The following FLRT2 variants were observed in gnomAD, a reference collection of about 807,000 sequenced individuals.
FLRT2 encodes the protein leucine-rich repeat transmembrane protein FLRT2.
FLRT2 carries 15 observed loss-of-function variants against 40.0 expected under a neutral mutation model. That is an observed-to-expected ratio of 0.38 (90% CI 0.25 to 0.58). The LOEUF is 0.58. Among genes scored for constraint, FLRT2 ranks in the 20% least tolerant of loss-of-function variants. The pLI, the probability that FLRT2 is intolerant of heterozygous loss-of-function variation, is 0.71. For missense variants in FLRT2, 726 were observed against 840.0 expected (o/e 0.86, Z 1.68); for synonymous variants, 380 against 336.8 (o/e 1.13, Z -1.41).
intron 1 of FLRT2, among the ~76,000 whole-genome samples, chr14:85,619,567 C>G (rs2139366333): frequency 6.6e-6 from 1 of 152,252 alleles, no homozygotes; most frequent in African/African-American, 2.4e-5. Context: ...ACATTTACAA[C>G]ATCCTTGACA....
At chr14:85,541,923 A>G (rs532651701) in intron 1 of FLRT2, among the ~76,000 whole-genome samples, 2 of 152,332 alleles carry the variant, frequency 1.3e-5, no homozygotes, top group Admixed American at 1.3e-4. Flanking sequence ...AGCCATGGTT[A>G]TGTCCTTGCC....
chr14:85,531,774 C>T (rs1344932168), intron 1 of FLRT2, among the ~76,000 whole-genome samples: 3 of 152,156 alleles, frequency 2.0e-5, no homozygotes, highest in African/African-American at 4.8e-5. Context: ...AGAAGATGGG[C>T]TATGTAAATG....
At chr14:85,585,498 A>G (rs933100287) in intron 1 of FLRT2, among the ~76,000 whole-genome samples, 13 of 152,202 alleles carry the variant, frequency 8.5e-5, no homozygotes, top group African/African-American at 3.1e-4. Context: ...AATGTAAGGT[A>G]AGTATATTGT....
At position 85,602,378 on chromosome 14, in the gene FLRT2, C is replaced by T. The variant is rs141049810; in HGVS notation, c.-376-18761C>T. 1.4e-3 allele frequency among the ~76,000 whole-genome samples: 218 copies of T among 152,328 alleles called. 1 individual carries two copies. The highest frequency in any genetic ancestry group is 5.1e-3 in the African/African-American group (214 of 41,592). On this transcript the variant is annotated intron_variant, in intron 1 of 1. Transcript: ENST00000330753. ...CTGCAGAATTATTCCTGGTACACTACTGGCTTTGCTCCCTGCCCAGCTTCT... is the reference window on the plus strand; with the variant it reads ...CTGCAGAATTATTCCTGGTACACTATTGGCTTTGCTCCCTGCCCAGCTTCT...
intron 1 of FLRT2, among the ~76,000 whole-genome samples, chr14:85,545,346 A>G (rs1594996810): frequency 6.6e-6 from 1 of 152,244 alleles, no homozygotes. Flanking sequence ...GCCCCATTTT[A>G]CACAAAGGGA....
chr14:85,597,347 G>A (rs1365126755), intron 1 of FLRT2, among the ~76,000 whole-genome samples: 1 of 152,134 alleles, frequency 6.6e-6, no homozygotes, highest in Admixed American at 6.6e-5. Flanking sequence ...AAAAGGAGAT[G>A]GGCGATTTAG....
chr14:85,539,901 G>GC (rs1257856337), intron 1 of FLRT2, among the ~76,000 whole-genome samples: 2 of 152,172 alleles, frequency 1.3e-5, no homozygotes, highest in Non-Finnish European at 2.9e-5. Context: ...CTGGCTGCTA[G>GC]CCCCTGCATC....
At position 85,626,639 on chromosome 14, in the gene FLRT2, G is replaced by A. The variant is rs1893693735; in HGVS notation, c.*3142G>A. ...GGGCCACCCTCAAACACCGTCAGAT[G>A]CATTAGCAGCCCACTGCATGGGACA... is the stretch of plus-strand genomic sequence containing the variant. On this transcript the variant is annotated 3_prime_UTR_variant, in exon 2 of 2. Coordinates refer to ENST00000330753, the MANE Select transcript of FLRT2 (RefSeq NM_013231.6). 6.0e-6 allele frequency: 1 copy of A among 167,102 alleles called. No individual in the cohort carries two copies. Among genetic ancestry groups the A allele is most frequent in the Non-Finnish European group, 1.5e-5 (1 of 68,116 alleles). 10.4% of individuals were successfully genotyped at this position (167,102 alleles called of 1,614,324 possible).
intron 1 of FLRT2, among the ~76,000 whole-genome samples, chr14:85,573,778 T>C (rs1891002631): frequency 6.6e-6 from 1 of 152,242 alleles, no homozygotes; most frequent in Admixed American, 6.5e-5. Flanking sequence ...TCCAGGACAG[T>C]ATTTTTGCAG....
rs371789023 is a variant in FLRT2, at chr14:85,630,837, C to G, written c.*7340C>G. On this transcript the variant is annotated 3_prime_UTR_variant, in exon 2 of 2. Coordinates refer to ENST00000330753, the MANE Select transcript of FLRT2 (RefSeq NM_013231.6). The stretch of plus-strand genomic sequence containing the variant: ...TCTCCTCTTGGTTCCCTGACTCTGA[C>G]TTGGTTAAGACCCTTCCTTTAGTCT... 1 of 152,188 alleles carries G rather than the reference C, an allele frequency of 6.6e-6. No individual in the cohort carries two copies. Among genetic ancestry groups the G allele is most frequent in the Admixed American group, 6.5e-5 (1 of 15,270 alleles). 9.4% of individuals were successfully genotyped at this position (152,188 alleles called of 1,614,324 possible).
rs930689627 is a variant in FLRT2, at chr14:85,625,611, T to A, written c.*2114T>A. The stretch of plus-strand genomic sequence containing the variant: ...TCTATTAGCTAGAGGGTTTTGGCTG[T>A]TGCTTTTTTTAAAGTTAGGTCCACA... On this transcript the variant is annotated 3_prime_UTR_variant, in exon 2 of 2. Coordinates refer to ENST00000330753, the MANE Select transcript of FLRT2 (RefSeq NM_013231.6). 1.3e-4 allele frequency: 21 copies of A among 167,040 alleles called. No homozygotes were observed. Among genetic ancestry groups the A allele is most frequent in the African/African-American group, 3.9e-4 (16 of 41,424 alleles). The allele number at this position is 167,040 out of a possible 1,614,324, so 10.3% of individuals were successfully genotyped here. A position where few individuals can be genotyped will look rare whatever the true frequency, so the allele number is the denominator to read the frequency against.
chr14:85,622,551 G>C lies in FLRT2; in HGVS notation c.1037G>C (p.Arg346Pro). ...GFMCQGPEQV[R>P]GMAVRELNMN... ...ATGTGCCAAGGTCCTGAACAAGTCC[G>C]GGGGATGGCCGTCAGGGAATTAAAT... The change falls in exon 2 of 2, where the codon CGG (arginine) becomes CCG (proline). Residue 346 changes from arginine to proline, a missense_variant. By Grantham distance (103) the Arg-to-Pro change is moderately radical. Transcript: ENST00000330753. 6.2e-7 allele frequency: 1 copy of C among 1,613,758 alleles called. No individual in the cohort carries two copies.
chr14:85,599,155 C>T (rs1451647822), intron 1 of FLRT2, among the ~76,000 whole-genome samples: 1 of 149,942 alleles, frequency 6.7e-6, no homozygotes, highest in Admixed American at 6.7e-5. Flanking sequence ...CTCCTGACCT[C>T]GTGATCTGCC....
chr14:85,607,096 C>A (rs1892657486), intron 1 of FLRT2, among the ~76,000 whole-genome samples: 1 of 151,956 alleles, frequency 6.6e-6, no homozygotes, highest in South Asian at 2.1e-4. Context: ...CAGTTTTTAT[C>A]CCGCTGGAGA....
At chr14:85,621,083 C>G (rs912294170) in intron 1 of FLRT2, 56 bp from the exon 2 acceptor site, 3 of 172,844 alleles carry the variant, frequency 1.7e-5, no homozygotes, top group Admixed American at 1.7e-4. Flanking sequence ...TCATATTGGG[C>G]ACTTCTTTCA....
rs377291419 is a variant in FLRT2, at chr14:85,552,067, G to A, written c.-377+21533G>A. On this transcript the variant is annotated intron_variant, in intron 1 of 1. Coordinates refer to ENST00000330753, the MANE Select transcript of FLRT2 (RefSeq NM_013231.6). ...ACTCAAAATATCAATAGGATAGTGAGCAGGAGCATTAAATTCTAGGTTTTA... is the reference window on the plus strand; with the variant it reads ...ACTCAAAATATCAATAGGATAGTGAACAGGAGCATTAAATTCTAGGTTTTA... 1.5e-4 allele frequency among the ~76,000 whole-genome samples: 23 copies of A among 152,234 alleles called. No homozygotes were observed. The East Asian group carries it at 1.9e-3, about 13-fold the overall frequency.
chr14:85,569,009 A>ATT (rs1178957071), intron 1 of FLRT2, among the ~76,000 whole-genome samples: 1 of 152,068 alleles, frequency 6.6e-6, no homozygotes, highest in Non-Finnish European at 1.5e-5. Context: ...GGTGGTACTG[A>ATT]TGGATCAGTA....
In FLRT2 at chr14:85,632,285, C is replaced by A. The variant is rs886197181; in HGVS notation, c.*8788C>A. 2.6e-5 allele frequency: 4 copies of A among 151,922 alleles called. No homozygotes were observed. The highest frequency in any genetic ancestry group is 9.7e-5 in the African/African-American group (4 of 41,346). The allele number at this position is 151,922 out of a possible 1,614,324, so 9.4% of individuals were successfully genotyped here. On this transcript the variant is annotated 3_prime_UTR_variant, in exon 2 of 2. Coordinates refer to ENST00000330753, the MANE Select transcript of FLRT2 (RefSeq NM_013231.6). ...AAGAAATCAAGACCATCCTGGCCAACATGGTGAAACCCTGTCTCTACTAAA... is the reference window on the plus strand; with the variant it reads ...AAGAAATCAAGACCATCCTGGCCAAAATGGTGAAACCCTGTCTCTACTAAA...
chr14:85,561,606 C>G (rs1595025506), intron 1 of FLRT2, among the ~76,000 whole-genome samples: 1 of 152,164 alleles, frequency 6.6e-6, no homozygotes, highest in Non-Finnish European at 1.5e-5. Context: ...GGCAAGGCAT[C>G]CTGATGCACG....
Sources: allele counts gnomAD v4.1 joint callset (sites outside exome capture counted in the v4.1 genomes callset), GRCh38; gene constraint gnomAD v4.1.1; transcripts MANE v1.5; gene names NCBI Gene and HGNC (gene_info 2026-07-23, HGNC 2026-07-21).